Variants in SLC24A3 observed in about 807,000 individuals in gnomAD.
SLC24A3 encodes solute carrier family 24 member 3, also known as sodium/potassium/calcium exchanger 3.
A neutral mutation model predicts 75.8 loss-of-function variants in SLC24A3; 28 were observed. That is an observed-to-expected ratio of 0.37 (90% confidence interval 0.27 to 0.51). The LOEUF is 0.51. Among genes scored for constraint, SLC24A3 ranks in the 20% least tolerant of loss-of-function variants. SLC24A3 has a pLI of 0.94. For missense variants in SLC24A3, 663 were observed against 847.8 expected, an observed-to-expected ratio of 0.78 and a Z score of 2.71; for synonymous variants, 372 against 334.1, an observed-to-expected ratio of 1.11 and a Z score of -1.24.
intron 1 of SLC24A3, among the ~76,000 whole-genome samples, chr20:19,231,873 A>G (rs1982032153): frequency 6.6e-6 from 1 of 152,252 alleles, no homozygotes; most frequent in Admixed American, 6.5e-5. Context: ...TTAACATGTA[A>G]CATGTTATCA....
At chr20:19,289,460 A>G (rs1983888394) in intron 2 of SLC24A3, among the ~76,000 whole-genome samples, 2 of 152,170 alleles carry the variant, frequency 1.3e-5, no homozygotes, top group South Asian at 4.1e-4. Context: ...CTGCACGATG[A>G]CAGTTTCCCC....
At chr20:19,564,827 T>C (rs920576835) in intron 3 of SLC24A3, among the ~76,000 whole-genome samples, 3 of 152,384 alleles carry the variant, frequency 2.0e-5, no homozygotes, top group South Asian at 2.1e-4. Context: ...TCAGATGTTA[T>C]GTAGGTATCA....
intron 15 of SLC24A3, among the ~76,000 whole-genome samples, chr20:19,707,099 A>G (rs886788097): frequency 2.0e-5 from 3 of 152,250 alleles, no homozygotes; most frequent in Middle Eastern, 3.4e-3. Flanking sequence ...GCTCTTCTCA[A>G]AGCAAGAGCA....
intron 2 of SLC24A3, among the ~76,000 whole-genome samples, chr20:19,383,752 C>T (rs1233957967): frequency 6.6e-6 from 1 of 152,162 alleles, no homozygotes; most frequent in African/African-American, 2.4e-5. Context: ...AGATTCAGTT[C>T]CCCATGAGGC....
intron 3 of SLC24A3, among the ~76,000 whole-genome samples, chr20:19,536,501 T>C (rs1212036670): frequency 6.6e-6 from 1 of 152,178 alleles, no homozygotes; most frequent in Non-Finnish European, 1.5e-5. Flanking sequence ...CCAATGACTT[T>C]CTTCACAGAA....
intron 2 of SLC24A3, among the ~76,000 whole-genome samples, chr20:19,331,827 G>T (rs1284174996): frequency 6.6e-6 from 1 of 152,190 alleles, no homozygotes; most frequent in Non-Finnish European, 1.5e-5. Context: ...ATCTGATTTT[G>T]ATCAGTGTTA....
chr20:19,416,942 T>C (rs953391166), intron 2 of SLC24A3, among the ~76,000 whole-genome samples: 1 of 152,176 alleles, frequency 6.6e-6, no homozygotes, highest in African/African-American at 2.4e-5. Context: ...AGGGGAGCAG[T>C]TAACCTAAAA....
chr20:19,472,869 G>A (rs1479741586), intron 2 of SLC24A3, among the ~76,000 whole-genome samples: 1 of 152,208 alleles, frequency 6.6e-6, no homozygotes, highest in Admixed American at 6.5e-5. Flanking sequence ...CCCCTAGCAG[G>A]GTTCCCCTGC....
chr20:19,383,548 G>A (rs374169581), intron 2 of SLC24A3, among the ~76,000 whole-genome samples: 2 of 152,200 alleles, frequency 1.3e-5, no homozygotes, highest in African/African-American at 4.8e-5. Context: ...TCTGCCTGTC[G>A]TGCTTGACCC....
chr20:19,456,652 G>A (rs1218389186), intron 2 of SLC24A3, among the ~76,000 whole-genome samples: 2 of 152,268 alleles, frequency 1.3e-5, no homozygotes, highest in East Asian at 3.8e-4. Flanking sequence ...TGGCCAGGAT[G>A]TCAGTAACCA....
At chr20:19,270,540 A>G (rs1436956977) in intron 1 of SLC24A3, among the ~76,000 whole-genome samples, 2 of 152,222 alleles carry the variant, frequency 1.3e-5, no homozygotes, top group Admixed American at 1.3e-4. Flanking sequence ...ATACTGATAT[A>G]TTATTGTATC....
At chr20:19,285,037 T>C (rs1256890676) in intron 2 of SLC24A3, among the ~76,000 whole-genome samples, 2 of 152,100 alleles carry the variant, frequency 1.3e-5, no homozygotes, top group Non-Finnish European at 1.5e-5. Flanking sequence ...CCTCCTCCCC[T>C]TCCCTCTGCC....
intron 2 of SLC24A3, among the ~76,000 whole-genome samples, chr20:19,309,980 T>C (rs535027491): frequency 4.6e-5 from 7 of 152,118 alleles, no homozygotes; most frequent in Non-Finnish European, 5.9e-5. Flanking sequence ...CCGACCAGCC[T>C]GAGTCCCCAT....
At chr20:19,289,550 G>A (rs991670518) in intron 2 of SLC24A3, among the ~76,000 whole-genome samples, 1 of 152,228 alleles carries the variant, frequency 6.6e-6, no homozygotes, top group African/African-American at 2.4e-5. Context: ...TTACAGCGGG[G>A]TGCTGGGAAC....
At chr20:19,482,324 T>G (rs1988068859) in intron 2 of SLC24A3, among the ~76,000 whole-genome samples, 1 of 152,152 alleles carries the variant, frequency 6.6e-6, no homozygotes, top group African/African-American at 2.4e-5. Flanking sequence ...AACACCATGT[T>G]GTCCTCCCTC....
At chr20:19,486,313 C>A (rs1988126590) in intron 2 of SLC24A3, among the ~76,000 whole-genome samples, 1 of 152,070 alleles carries the variant, frequency 6.6e-6, no homozygotes, top group African/African-American at 2.4e-5. Flanking sequence ...GAGTTAACTA[C>A]CAGAGAATTA....
At chr20:19,280,927 A>G (rs762920135) in intron 1 of SLC24A3, 32 bp from the exon 2 acceptor site, 34 of 1,608,912 alleles carry the variant, frequency 2.1e-5, no homozygotes, top group Non-Finnish European at 2.5e-5. Context: ...CCAGCTGTGA[A>G]TGATGTGTGG....
At chr20:19,473,444 G>A (rs752218765) in intron 2 of SLC24A3, among the ~76,000 whole-genome samples, 22 of 152,254 alleles carry the variant, frequency 1.4e-4, no homozygotes, top group Non-Finnish European at 2.5e-4. Flanking sequence ...TGGTGGTGGC[G>A]GTGGTAATAA....
chr20:19,588,036 AG>A (rs1415427477), intron 6 of SLC24A3, among the ~76,000 whole-genome samples: 1 of 152,244 alleles, frequency 6.6e-6, no homozygotes, highest in Admixed American at 6.5e-5. Context: ...TGGGAAGGAA[AG>A]GGATAGTCAG....
Sources: gnomAD v4.1 joint callset for allele counts (sites outside exome capture counted in the v4.1 genomes callset) on GRCh38, gnomAD v4.1.1 for gene constraint, MANE v1.5 for transcripts, NCBI Gene and HGNC (gene_info 2026-07-23, HGNC 2026-07-21) for gene names.